Variants in DST observed in about 807,000 individuals in gnomAD.
The protein encoded by DST is bullous pemphigoid antigen.
In DST, 253 loss-of-function variants were observed where a neutral mutation model predicts 875.2. That is an observed-to-expected ratio of 0.29 (90% CI 0.26 to 0.32). DST has a LOEUF of 0.32. Among genes scored for constraint, DST ranks in the 10% least tolerant of loss-of-function variants. The probability of loss-of-function intolerance (pLI) is 1.00; values close to 1 mark genes in which losing one functional copy is unlikely to be tolerated. For synonymous variants in DST, 3,124 were observed against 3,197.1 expected, an observed-to-expected ratio of 0.98 and a Z score of 0.77; for missense variants, 8,287 against 9,111.6, an observed-to-expected ratio of 0.91 and a Z score of 3.68.
chr6:56,606,752 A>C lies in DST; in HGVS notation c.7876T>G (p.Leu2626Val). The change falls in exon 40 of 104, where the codon TTG becomes GTG. Residue 2626 changes from leucine (L) to valine (V), a missense_variant. Physicochemically the swap from Leu to Val is conservative, Grantham distance 32 (BLOSUM62 1). Transcript: ENST00000680361. ...PLFEDDDHDSLLLDGDDRDCL... is the reference protein window; with the variant it reads ...PLFEDDDHDSVLLDGDDRDCL... ...TCACGATCATCACCATCAAGAAGCAAAGAATCATGGTCATCATCTTCAAAC... is the reference window on the plus strand; with the variant it reads ...TCACGATCATCACCATCAAGAAGCACAGAATCATGGTCATCATCTTCAAAC... 1 of 1,613,458 alleles carries C rather than the reference A, an allele frequency of 6.2e-7. No individual in the cohort carries two copies. The highest frequency in any genetic ancestry group is 8.5e-7 in the Non-Finnish European group (1 of 1,179,634).
chr6:56,475,749 G>A (rs1451749321), intron 92 of DST, among the ~76,000 whole-genome samples: 1 of 152,210 alleles, frequency 6.6e-6, no homozygotes, highest in African/African-American at 2.4e-5. Context: ...ATACCTTAAT[G>A]TGGGTACCTT....
intron 61 of DST, chr6:56,541,032 T>C (rs1322464367): frequency 6.6e-6 from 1 of 152,610 alleles, no homozygotes; most frequent in African/African-American, 2.4e-5. Flanking sequence ...TCCTCCGAAG[T>C]GAGAGAATTA....
chr6:56,637,415 G>T (rs1012030619), intron 22 of DST, among the ~76,000 whole-genome samples: 1 of 151,914 alleles, frequency 6.6e-6, no homozygotes, highest in African/African-American at 2.4e-5. Context: ...GTTTTCTTTC[G>T]TGGCACATTC....
intron 2 of DST, among the ~76,000 whole-genome samples, chr6:56,922,820 C>T (rs1022333285): frequency 3.9e-5 from 6 of 152,212 alleles, no homozygotes; most frequent in African/African-American, 1.2e-4. Context: ...GAGCTTTGTA[C>T]AGCTGGTCAG....
Position 56,604,749 on chromosome 6 carries a change from C to G in DST, c.9879G>C (p.Arg3293=), listed in dbSNP as rs895577799. 1.2e-6 allele frequency: 2 copies of G among 1,612,692 alleles called. No homozygotes were observed. Among genetic ancestry groups the G allele is most frequent in the Non-Finnish European group, 1.7e-6 (2 of 1,179,196 alleles). Residue 3293 remains arginine, a synonymous_variant, in exon 40 of 104, where the codon CGG becomes CGC. Transcript: ENST00000680361. ...VGKNDFLQSE[R]CANGLGNDNS... ...TATCATTTCCTAATCCATTTGCACACCGCTCCGACTGCAGAAAATCATTTT... is the reference window on the plus strand; with the variant it reads ...TATCATTTCCTAATCCATTTGCACAGCGCTCCGACTGCAGAAAATCATTTT...
chr6:56,788,493 T>C (rs542587301), intron 4 of DST, among the ~76,000 whole-genome samples: 1 of 152,286 alleles, frequency 6.6e-6, no homozygotes, highest in South Asian at 2.1e-4. Flanking sequence ...AAGTATTATG[T>C]TCTTTATCAT....
intron 4 of DST, among the ~76,000 whole-genome samples, chr6:56,767,162 T>C (rs908760774): frequency 2.6e-5 from 4 of 152,378 alleles, no homozygotes; most frequent in East Asian, 1.9e-4. Flanking sequence ...GCTAATGCTC[T>C]ATCAGTCTCA....
rs1236392054 is a variant in DST, at chr6:56,699,670, T to C, written c.1030A>G (p.Ile344Val). Reference sequence around the variant, plus strand: ...GGGCTTACCTGAAAGTGCAAAATTATTGTCCAGATTAATCCCAAAGTCAAT... The same window carrying C: ...GGGCTTACCTGAAAGTGCAAAATTACTGTCCAGATTAATCCCAAAGTCAAT... ...PKLTLGLIWT[I>V]ILHFQISDIH... Residue 344 changes from isoleucine (I) to valine (V), a missense_variant, in exon 9 of 104, where the codon ATA becomes GTA. Transcript: ENST00000680361. The C allele has an allele frequency of 2.0e-6, 3 of 1,524,368 alleles. No homozygotes were observed. The highest frequency in any genetic ancestry group is 1.8e-6 in the Non-Finnish European group (2 of 1,138,450). The allele number at this position is 1,524,368 out of a possible 1,614,324, so 94.4% of individuals were successfully genotyped here.
At chr6:56,813,982 T>C (rs1054850665) in intron 4 of DST, among the ~76,000 whole-genome samples, 1 of 152,130 alleles carries the variant, frequency 6.6e-6, no homozygotes, top group Non-Finnish European at 1.5e-5. Context: ...TGTAGTCAAA[T>C]AAAATAAAAA....
chr6:56,472,570 C>T (rs939211515), intron 93 of DST, among the ~76,000 whole-genome samples: 7 of 152,104 alleles, frequency 4.6e-5, no homozygotes, highest in African/African-American at 1.7e-4. Flanking sequence ...AAGGAAATCT[C>T]CCAGGCCAGT....
intron 69 of DST, among the ~76,000 whole-genome samples, chr6:56,521,049 T>C (rs1289489798): frequency 1.3e-5 from 2 of 152,124 alleles, no homozygotes; most frequent in African/African-American, 4.8e-5. Flanking sequence ...TAATTTCAAA[T>C]GAAGTTATTC....
At chr6:56,501,764 T>C (rs1030338746) in intron 78 of DST, 71 bp from the exon 79 acceptor site, 12 of 1,153,466 alleles carry the variant, frequency 1.0e-5, no homozygotes, top group Non-Finnish European at 1.2e-6. Context: ...AATCTATTGG[T>C]TATATCATTA....
chr6:56,559,640 A>G (rs796811141), intron 58 of DST, among the ~76,000 whole-genome samples: 5 of 152,210 alleles, frequency 3.3e-5, no homozygotes, highest in African/African-American at 1.2e-4. Flanking sequence ...AGTGGGGAAA[A>G]TTATTACCGT....
intron 10 of DST, among the ~76,000 whole-genome samples, chr6:56,662,662 G>A (rs1176416520): frequency 5.9e-5 from 9 of 152,070 alleles, no homozygotes; most frequent in Admixed American, 5.2e-4. Context: ...TTTTTTGGCC[G>A]GGCGAGGTGG....
chr6:56,930,976 C>T (rs1034616161), intron 2 of DST, among the ~76,000 whole-genome samples: 12 of 152,164 alleles, frequency 7.9e-5, no homozygotes, highest in African/African-American at 2.7e-4. Flanking sequence ...AATTTGAACA[C>T]GAAATCAATC....
At chr6:56,508,881 T>G (rs958308801) in intron 74 of DST, 126 bp from the exon 75 acceptor site, 28 of 700,986 alleles carry the variant, frequency 4.0e-5, no homozygotes, top group East Asian at 2.4e-4. Flanking sequence ...GACCAAGTTT[T>G]GAATGACCCC....
chr6:56,810,601 G>C (rs1159283913), intron 4 of DST, among the ~76,000 whole-genome samples: 3 of 151,786 alleles, frequency 2.0e-5, no homozygotes, highest in Non-Finnish European at 2.9e-5. Context: ...TAATGTTAAA[G>C]CAGTGAGGGA....
chr6:56,833,868 A>G (rs957014529), intron 4 of DST, among the ~76,000 whole-genome samples: 7 of 152,152 alleles, frequency 4.6e-5, no homozygotes, highest in African/African-American at 1.7e-4. Context: ...CATATCTGAT[A>G]AAGGACTGGT....
intron 5 of DST, 101 bp downstream of exon 5, chr6:56,735,127 T>A: frequency 1.2e-6 from 1 of 808,832 alleles, no homozygotes; most frequent in East Asian, 2.7e-5. Flanking sequence ...ACTTTCAAGA[T>A]GATTTTCAAA....
Sources: gnomAD v4.1 joint callset for allele counts (sites outside exome capture counted in the v4.1 genomes callset) on GRCh38, gnomAD v4.1.1 for gene constraint, MANE v1.5 for transcripts, NCBI Gene and HGNC (gene_info 2026-07-23, HGNC 2026-07-21) for gene names.